Variants in PCSK7 observed in about 807,000 individuals in gnomAD.
PCSK7 encodes lymphoma proprotein convertase.
A neutral mutation model predicts 73.3 loss-of-function variants in PCSK7; 38 were observed. That is an observed-to-expected ratio of 0.52 (90% confidence interval 0.40 to 0.68). The LOEUF is 0.68. Ranked by LOEUF, PCSK7 falls within the 30% of genes least tolerant of loss-of-function variation. The pLI is 0.00. For synonymous variants in PCSK7, 296 were observed against 383.8 expected (o/e 0.77, Z 2.68); for missense variants, 692 against 991.5 (o/e 0.70, Z 4.06).
intron 9 of PCSK7, chr11:117,220,300 T>G (rs1285078892): frequency 6.6e-6 from 1 of 152,370 alleles, no homozygotes; most frequent in African/African-American, 2.4e-5. Context: ...TGGAGTGCAG[T>G]GGTAAGATCA....
In PCSK7 at chr11:117,224,695, A is replaced by G. The variant is rs772786728; in HGVS notation, c.915+6T>C. On this transcript the variant is annotated splice_donor_region_variant and intron_variant, in intron 7 of 16. Coordinates refer to ENST00000320934, the MANE Select transcript of PCSK7 (RefSeq NM_004716.4). ...GTTTCTCAGAGTCTTTGTGCAGGCC[A>G]GTTACCTTTCCAAGCTGATGGGGGC... is the stretch of plus-strand genomic sequence containing the variant. 7 of 1,610,806 alleles carry G rather than the reference A, an allele frequency of 4.3e-6. No individual in the cohort carries two copies. Among genetic ancestry groups the G allele is most frequent in the Non-Finnish European group, 5.9e-6 (7 of 1,177,000 alleles).
rs138846513 is a variant in PCSK7 at position 117,231,417 on chromosome 11, C to T, written c.-133+610G>A. ...CAATTCTCCCAAGATATTTAGGTGT[C>T]TTCCCCAGTCTGCATACTCTACTAA... On this transcript the variant is annotated intron_variant, in intron 1 of 16. Coordinates refer to ENST00000320934, the MANE Select transcript of PCSK7 (RefSeq NM_004716.4). Among the ~76,000 whole-genome samples, 11 of 152,262 alleles carry T rather than the reference C, an allele frequency of 7.2e-5. No homozygotes were observed. In the East Asian group the frequency reaches 2.1e-3, roughly 29 times the overall value.
At chr11:117,228,821 T>C (rs111809212) in intron 3 of PCSK7, among the ~76,000 whole-genome samples, 29,392 of 151,884 alleles carry the variant, frequency 0.19, 3,078 homozygotes, top group African/African-American at 0.27. Context: ...AGGGTTTCAC[T>C]GTGTTAGCCA....
chr11:117,229,076 G>C (rs1429734527), intron 3 of PCSK7, among the ~76,000 whole-genome samples: 1 of 152,178 alleles, frequency 6.6e-6, no homozygotes, highest in Non-Finnish European at 1.5e-5. Flanking sequence ...CCACTTTACA[G>C]ATGGAGAAGC....
chr11:117,226,336 A>G, intron 5 of PCSK7: 1 of 338,124 alleles, frequency 3.0e-6, no homozygotes, highest in African/African-American at 2.1e-5. Context: ...GGGTTTCACC[A>G]TATTGGTCAG....
At chr11:117,219,408 A>T (rs2032108622) in intron 10 of PCSK7, 183 bp downstream of exon 10, 6 of 659,412 alleles carry the variant, frequency 9.1e-6, no homozygotes, top group Non-Finnish European at 1.5e-5. Context: ...TGCAGATAAA[A>T]TGAGTTTAGG....
chr11:117,224,645 C>T (rs236919), intron 7 of PCSK7, 56 bp downstream of exon 7: 618,069 of 1,380,538 alleles, frequency 0.45, 151,366 homozygotes, highest in African/African-American at 0.81. Flanking sequence ...GCAGTTCTCC[C>T]GGGACTGTAT....
chr11:117,224,720 C>A lies in PCSK7; in HGVS notation c.896G>T (p.Gly299Val), dbSNP rs1565315693. 1 of 1,613,506 alleles carries A rather than the reference C, an allele frequency of 6.2e-7. No individual in the cohort carries two copies. The highest frequency in any genetic ancestry group is 8.5e-7 in the Non-Finnish European group (1 of 1,179,444). ...AGTTACCTTTCCAAGCTGATGGGGG[C>A]CATCCACTGTCTTCCCATCGTCATC... Reference protein sequence around the residue: ...GPDDDGKTVDGPHQLGKAALQ... With the variant: ...GPDDDGKTVDVPHQLGKAALQ... Residue 299 changes from glycine (G) to valine (V), a missense_variant, in exon 7 of 17, where the codon GGC (glycine) becomes GTC (valine). By Grantham distance (109) the Gly-to-Val change is moderately radical. This residue lies in a region of PCSK7 where 574 missense variants were observed against 689.8 expected (regional missense o/e 0.83). Transcript: ENST00000320934.
At chr11:117,231,519 T>A (rs1379554997) in intron 1 of PCSK7, among the ~76,000 whole-genome samples, 1 of 152,116 alleles carries the variant, frequency 6.6e-6, no homozygotes, top group African/African-American at 2.4e-5. Flanking sequence ...ACTCAGTAGA[T>A]CCCACCACAG....
At position 117,218,780 on chromosome 11, in the gene PCSK7, T is replaced by A. The variant is rs77556458; in HGVS notation, c.1432-212A>T. ...GCTAAGGAACCAGAGGAAACAGCTGTGTCCAGGGTGGAGGAGGGGAACCAG... is the reference window on the plus strand; with the variant it reads ...GCTAAGGAACCAGAGGAAACAGCTGAGTCCAGGGTGGAGGAGGGGAACCAG... On this transcript the variant is annotated intron_variant, in intron 11 of 16. Coordinates refer to ENST00000320934, the MANE Select transcript of PCSK7 (RefSeq NM_004716.4). The surrounding 1 kb of genome is among the most constrained non-coding windows in gnomAD (Gnocchi z 4.0). 1,586 of 564,488 alleles carry A rather than the reference T, an allele frequency of 2.8e-3. 22 individuals carry two copies. Among genetic ancestry groups the A allele is most frequent in the African/African-American group, 0.028 (1,482 of 53,296 alleles). The allele number at this position is 564,488 out of a possible 1,614,324, so 35.0% of individuals were successfully genotyped here.
chr11:117,215,164 C>A (rs924916116), intron 12 of PCSK7: 41 of 151,660 alleles, frequency 2.7e-4, no homozygotes, highest in Non-Finnish European at 2.8e-4. Flanking sequence ...TGAAGTATAA[C>A]AAAATTAAAA....
At chr11:117,224,600 C>T (rs141394947) in intron 7 of PCSK7, 101 bp downstream of exon 7, 17 of 945,440 alleles carry the variant, frequency 1.8e-5, no homozygotes, top group Admixed American at 5.1e-5. Flanking sequence ...GGAGACTGAG[C>T]GTGGAGGTGG....
rs2134310889 is a variant in PCSK7, at chr11:117,218,925, T to C, written c.1431+132A>G. On this transcript the variant is annotated intron_variant, in intron 11 of 16. Transcript: ENST00000320934. The surrounding 1 kb of genome is among the most constrained non-coding windows in gnomAD (Gnocchi z 4.0). The stretch of plus-strand genomic sequence containing the variant: ...AAATGGATATCAGCTGGGATGAAGG[T>C]TGAAGTTGTTAAATCAATGAACTGA... 1.6e-6 allele frequency: 1 copy of C among 611,212 alleles called. No homozygotes were observed. Among genetic ancestry groups the C allele is most frequent in the South Asian group, 2.0e-5 (1 of 49,528 alleles). The allele number at this position is 611,212 out of a possible 1,614,324, so 37.9% of individuals were successfully genotyped here. A position where few individuals can be genotyped will look rare whatever the true frequency, so the allele number is the denominator to read the frequency against.
rs2134326720 is a variant in PCSK7, at chr11:117,225,961, T to C, written c.830A>G (p.His277Arg). ...DSMEAVAFNKHYQINDIYSCS... is the reference protein window; with the variant it reads ...DSMEAVAFNKRYQINDIYSCS... ...GCTGTAGATGTCATTGATCTGATAG[T>C]GCTTGTTGAACGCCACTGCCTCCAT... The change falls in exon 6 of 17, where the codon CAC becomes CGC. Residue 277 changes from histidine to arginine, a missense_variant. Around this residue, in one of 6 missense-constraint regions of PCSK7, gnomAD observed 574 missense variants for 689.8 expected, o/e 0.83. Transcript: ENST00000320934. 2 of 1,611,728 alleles carry C rather than the reference T, an allele frequency of 1.2e-6. No homozygotes were observed. Among genetic ancestry groups the C allele is most frequent in the East Asian group, 4.5e-5 (2 of 44,864 alleles).
chr11:117,215,396 A>ATATATG (rs1555044311), intron 12 of PCSK7: 46 of 60,844 alleles, frequency 7.6e-4, no homozygotes, highest in African/African-American at 6.2e-3. Flanking sequence ...ATATATATAT[A>ATATATG]TATATATATA....
At chr11:117,208,341 TTTTC>T (rs1181392092) in intron 13 of PCSK7, 1 of 163,190 alleles carries the variant, frequency 6.1e-6, no homozygotes, top group Non-Finnish European at 9.9e-6. Flanking sequence ...CCATGACTTG[TTTTC>T]TTTTTCTTTC....
At chr11:117,210,292 CA>C (rs1335378800) in intron 12 of PCSK7, 1 of 149,372 alleles carries the variant, frequency 6.7e-6, no homozygotes, top group Non-Finnish European at 1.5e-5. Flanking sequence ...AAAACAAAAA[CA>C]AAAAACTACT....
In PCSK7 at chr11:117,205,660, T is replaced by C. The variant is rs2031324475; in HGVS notation, c.*337A>G. On this transcript the variant is annotated 3_prime_UTR_variant, in exon 17 of 17. Coordinates refer to ENST00000320934, the MANE Select transcript of PCSK7 (RefSeq NM_004716.4). ...GGCTATGGCAGGCACCTTCTCAACT[T>C]ATATGTGGGAAGGGGTCCCCCATGC... The C allele has an allele frequency of 3.7e-6, 1 of 270,674 alleles. No homozygotes were observed. The highest frequency in any genetic ancestry group is 5.2e-5 in the Admixed American group (1 of 19,198). 16.8% of individuals were successfully genotyped at this position (270,674 alleles called of 1,614,324 possible). A position where few individuals can be genotyped will look rare whatever the true frequency, so the allele number is the denominator to read the frequency against.
rs769400589 is a variant in PCSK7, at chr11:117,224,222, G to A, written c.916-6C>T. On this transcript the variant is annotated splice_polypyrimidine_tract_variant and splice_region_variant and intron_variant, in intron 7 of 16. Transcript: ENST00000320934. ...ACCCCATGTTGTAAGGCAGCCTGAG[G>A]AGCCAAAACATCAGGGTGTCAGTTG... 1.9e-6 allele frequency: 3 copies of A among 1,613,880 alleles called. No individual in the cohort carries two copies. The highest frequency in any genetic ancestry group is 1.7e-5 in the Admixed American group (1 of 59,972).
Sources: allele counts gnomAD v4.1 joint callset (sites outside exome capture counted in the v4.1 genomes callset), GRCh38; gene constraint gnomAD v4.1.1; regional missense constraint gnomAD v4.1.1; non-coding constraint Gnocchi (gnomAD v3.1); transcripts MANE v1.5; gene names NCBI Gene and HGNC (gene_info 2026-07-23, HGNC 2026-07-21).